PTPRD: variants seen among roughly 807,000 people sequenced by gnomAD.
The protein encoded by PTPRD is protein tyrosine phosphatase receptor type D.
In PTPRD, 34 loss-of-function variants were observed where a neutral mutation model predicts 214.5. That is an observed-to-expected ratio of 0.16 (90% CI 0.12 to 0.21). The LOEUF is 0.21. PTPRD is among the 10% of genes least tolerant of loss of function. The probability of loss-of-function intolerance (pLI) is 1.00; values close to 1 mark genes in which losing one functional copy is unlikely to be tolerated. For missense variants in PTPRD, 2,545 were observed against 2,398.7 expected (o/e 1.06, Z -1.27); for synonymous variants, 1,128 against 845.7 (o/e 1.33, Z -5.79).
chr9:8,444,441 G>A (rs1002758346), intron 34 of PTPRD, among the ~76,000 whole-genome samples: 1 of 151,858 alleles, frequency 6.6e-6, no homozygotes, highest in Admixed American at 6.6e-5. Context: ...ATTAATTCTG[G>A]AAAGGTATAT....
intron 9 of PTPRD, among the ~76,000 whole-genome samples, chr9:9,383,732 C>G (rs1040213464): frequency 6.6e-6 from 1 of 152,026 alleles, no homozygotes. Flanking sequence ...GCTGCAGTAG[C>G]AAACAGGCCC....
intron 3 of PTPRD, among the ~76,000 whole-genome samples, chr9:10,236,546 T>C (rs1232618324): frequency 6.6e-6 from 1 of 151,968 alleles, no homozygotes; most frequent in Non-Finnish European, 1.5e-5. Flanking sequence ...TCTATTATAT[T>C]TGCAGTATTA....
At chr9:9,961,299 C>A (rs1300965539) in intron 4 of PTPRD, among the ~76,000 whole-genome samples, 1 of 152,144 alleles carries the variant, frequency 6.6e-6, no homozygotes, top group Non-Finnish European at 1.5e-5. Context: ...ACTTGAGGCA[C>A]AAACAACATG....
At chr9:9,190,217 C>T (rs976471302) in intron 9 of PTPRD, among the ~76,000 whole-genome samples, 2 of 151,962 alleles carry the variant, frequency 1.3e-5, no homozygotes, top group Non-Finnish European at 2.9e-5. Context: ...TTAGTTATTG[C>T]AGGAGTGAGC....
intron 11 of PTPRD, among the ~76,000 whole-genome samples, chr9:8,811,632 T>G (rs1430351053): frequency 3.3e-5 from 5 of 152,158 alleles, no homozygotes; most frequent in African/African-American, 7.2e-5. Context: ...AGATGAACTT[T>G]TTTTTTTTCT....
chr9:9,079,374 C>A (rs901712242), intron 10 of PTPRD, among the ~76,000 whole-genome samples: 1 of 152,050 alleles, frequency 6.6e-6, no homozygotes, highest in Admixed American at 6.6e-5. Flanking sequence ...CCATACATGA[C>A]AGGATTTTAT....
In PTPRD at chr9:9,687,443, A is replaced by T. The variant is rs200651569; in HGVS notation, c.-287+47090T>A. ...ATGGGTAAACAGCCTTGGACTGCCT[A>T]TGGGAAACTGATTCCCAAATGTCAG... On this transcript the variant is annotated intron_variant, in intron 7 of 45. Coordinates refer to ENST00000381196, the MANE Select transcript of PTPRD (RefSeq NM_002839.4). Among the ~76,000 whole-genome samples, 102 of 151,866 alleles carry T rather than the reference A, an allele frequency of 6.7e-4. No homozygotes were observed. In the East Asian group the frequency reaches 0.019, roughly 28 times the overall value.
intron 3 of PTPRD, among the ~76,000 whole-genome samples, chr9:10,262,218 GT>G: frequency 6.6e-6 from 1 of 151,822 alleles, no homozygotes; most frequent in South Asian, 2.1e-4. Flanking sequence ...TCAAGAAATG[GT>G]GAAAATGTTA....
chr9:8,559,101 C>A (rs139718458), intron 14 of PTPRD, among the ~76,000 whole-genome samples: 1 of 152,146 alleles, frequency 6.6e-6, no homozygotes, highest in Non-Finnish European at 1.5e-5. Flanking sequence ...ACTGAGATGA[C>A]ATAATATTTT....
chr9:10,506,098 T>G (rs2045868546), intron 2 of PTPRD, among the ~76,000 whole-genome samples: 1 of 152,166 alleles, frequency 6.6e-6, no homozygotes. Flanking sequence ...CAAGTGGCAA[T>G]GTTTTTCTAA....
chr9:10,144,481 T>G (rs2099008958), intron 3 of PTPRD, among the ~76,000 whole-genome samples: 1 of 152,064 alleles, frequency 6.6e-6, no homozygotes, highest in African/African-American at 2.4e-5. Flanking sequence ...TTAGGTAGGA[T>G]GAATATAAAA....
At chr9:9,193,052 T>C (rs1448857358) in intron 9 of PTPRD, among the ~76,000 whole-genome samples, 1 of 152,196 alleles carries the variant, frequency 6.6e-6, no homozygotes, top group African/African-American at 2.4e-5. Flanking sequence ...TCCTCTGTTT[T>C]GCTTGTCTAT....
chr9:9,983,259 C>T (rs550390916), intron 4 of PTPRD, among the ~76,000 whole-genome samples: 5 of 152,168 alleles, frequency 3.3e-5, no homozygotes, highest in African/African-American at 4.8e-5. Flanking sequence ...GCAGTAGCAG[C>T]CTCCTTGCTA....
chr9:9,236,015 G>C (rs1011503801), intron 9 of PTPRD, among the ~76,000 whole-genome samples: 5 of 152,116 alleles, frequency 3.3e-5, no homozygotes, highest in Admixed American at 2.0e-4. Context: ...TGTAATCCCA[G>C]CACTTTGGGA....
intron 4 of PTPRD, among the ~76,000 whole-genome samples, chr9:10,022,299 C>T (rs948996287): frequency 6.9e-5 from 8 of 115,698 alleles, no homozygotes; most frequent in South Asian, 3.4e-4. Context: ...TTGTTATGTT[C>T]GATGATAAAC....
rs1424117716 is a variant in PTPRD at position 10,231,985 on chromosome 9, A to AGTGTGTGT, written c.-545+108977_-545+108978insACACACAC. 8.5e-3 allele frequency among the ~76,000 whole-genome samples: 818 copies of AGTGTGTGT among 96,036 alleles called. 7 individuals are homozygous for AGTGTGTGT. The highest frequency in any genetic ancestry group is 0.023 in the East Asian group (68 of 2,984). The allele number at this position is 96,036 out of a possible 152,430, so 63.0% of individuals were successfully genotyped here. A position where few individuals can be genotyped will look rare whatever the true frequency, so the allele number is the denominator to read the frequency against. On this transcript the variant is annotated intron_variant, in intron 3 of 45. Transcript: ENST00000381196. ...GAGAGAGAGAGAGAGAGAGAGAGAG[A>AGTGTGTGT]GAGAGTGTGTGTGTGTGTGTGTGTG... is the stretch of plus-strand genomic sequence containing the variant.
chr9:9,465,135 T>C (rs1234238384), intron 8 of PTPRD, among the ~76,000 whole-genome samples: 5 of 152,204 alleles, frequency 3.3e-5, no homozygotes, highest in Admixed American at 3.3e-4. Flanking sequence ...TCATGATCTG[T>C]ATAGTTTTGA....
intron 10 of PTPRD, among the ~76,000 whole-genome samples, chr9:9,055,677 T>TGC (rs2099694876): frequency 1.3e-5 from 2 of 151,894 alleles, no homozygotes; most frequent in Non-Finnish European, 2.9e-5. Flanking sequence ...ACAGTGACTT[T>TGC]AAAATGTGAG....
chr9:9,921,773 T>C (rs1316489532), intron 5 of PTPRD, among the ~76,000 whole-genome samples: 2 of 150,882 alleles, frequency 1.3e-5, no homozygotes, highest in Non-Finnish European at 3.0e-5. Context: ...AAACTAAAGA[T>C]AGTAGAAAAG....
Sources: gnomAD v4.1 joint callset for allele counts (sites outside exome capture counted in the v4.1 genomes callset) on GRCh38, gnomAD v4.1.1 for gene constraint, MANE v1.5 for transcripts, NCBI Gene and HGNC (gene_info 2026-07-23, HGNC 2026-07-21) for gene names.